Variants in PRKN observed in about 807,000 individuals in gnomAD.
PRKN encodes the protein E3 ubiquitin-protein ligase parkin.
PRKN carries 56 observed loss-of-function variants against 59.5 expected under a neutral mutation model. That is an observed-to-expected ratio of 0.94 (90% CI 0.76 to 1.18). The LOEUF (loss-of-function observed/expected upper bound fraction) is 1.18. Ranked by LOEUF, PRKN falls within the 50% of genes most tolerant of loss-of-function variation. The probability of loss-of-function intolerance (pLI) is 0.00; values close to 1 mark genes in which losing one functional copy is unlikely to be tolerated. For missense variants in PRKN, 657 were observed against 596.4 expected (o/e 1.10, Z -1.06); for synonymous variants, 250 against 222.1 (o/e 1.13, Z -1.12).
intron 5 of PRKN, among the ~76,000 whole-genome samples, chr6:162,041,526 T>C (rs1001108436): frequency 2.6e-5 from 4 of 152,198 alleles, no homozygotes; most frequent in African/African-American, 9.7e-5. Context: ...TAAACAGAGA[T>C]TGGTTCTCAC....
intron 7 of PRKN, among the ~76,000 whole-genome samples, chr6:161,753,037 C>T (rs1320674411): frequency 6.6e-6 from 1 of 152,068 alleles, no homozygotes; most frequent in Non-Finnish European, 1.5e-5. Context: ...GAATCAAGAC[C>T]GACTTGGAAA....
At position 161,525,920 on chromosome 6, in the gene PRKN, A is replaced by C. The variant is rs1249813761; in HGVS notation, c.1083+22934T>G. ...TATTAATATGGGTATCAAATATTTT[A>C]AATCTAATTATACCAATGTCTCAAA... is the stretch of plus-strand genomic sequence containing the variant. On this transcript the variant is annotated intron_variant, in intron 9 of 11. Transcript: ENST00000366898. The surrounding 1 kb of genome is among the most constrained non-coding windows in gnomAD (Gnocchi z 4.7). Among the ~76,000 whole-genome samples the C allele has an allele frequency of 6.6e-6, 1 of 152,216 alleles. No homozygotes were observed. Among genetic ancestry groups the C allele is most frequent in the Non-Finnish European group, 1.5e-5 (1 of 68,032 alleles).
Position 162,465,106 on chromosome 6 carries a change from A to G in PRKN, c.8-21633T>C, listed in dbSNP as rs182692574. On this transcript the variant is annotated intron_variant, in intron 1 of 11. Transcript: ENST00000366898. Reference sequence around the variant, plus strand: ...TGAAAACTTCAACAATCATGTCAACATTTAAGCTCGTTCCCAATTAACCAG... The same window carrying G: ...TGAAAACTTCAACAATCATGTCAACGTTTAAGCTCGTTCCCAATTAACCAG... Among the ~76,000 whole-genome samples the G allele has an allele frequency of 9.0e-4, 137 of 152,282 alleles. 1 individual carries two copies. The highest frequency in any genetic ancestry group is 4.4e-3 in the Admixed American group (68 of 15,286).
chr6:162,101,180 G>A (rs1412045949), intron 4 of PRKN, among the ~76,000 whole-genome samples: 1 of 151,852 alleles, frequency 6.6e-6, no homozygotes, highest in Non-Finnish European at 1.5e-5. Context: ...CTTTTCCTCT[G>A]TGTTTTCTTC....
chr6:161,899,842 G>T (rs1777816321), intron 6 of PRKN, among the ~76,000 whole-genome samples: 1 of 152,184 alleles, frequency 6.6e-6, no homozygotes, highest in African/African-American at 2.4e-5. Flanking sequence ...GGACAACCGG[G>T]CCGGGCCAGG....
At position 162,234,415 on chromosome 6, in the gene PRKN, A is replaced by C. The variant is rs186779600; in HGVS notation, c.412+28110T>G. Among the ~76,000 whole-genome samples the C allele has an allele frequency of 3.3e-3, 503 of 152,326 alleles. 5 individuals carry two copies. The highest frequency in any genetic ancestry group is 4.5e-3 in the Non-Finnish European group (303 of 68,026). ...AAAGATTTACCAGGGAAGAAATGAC[A>C]CAAGTCATATGTTTTAATTTAGTTA... On this transcript the variant is annotated intron_variant, in intron 3 of 11. Coordinates refer to ENST00000366898, the MANE Select transcript of PRKN (RefSeq NM_004562.3).
chr6:162,495,575 C>G (rs1282465334), intron 1 of PRKN, among the ~76,000 whole-genome samples: 1 of 152,184 alleles, frequency 6.6e-6, no homozygotes, highest in East Asian at 1.9e-4. Flanking sequence ...CCACCTGGCA[C>G]ACACACACTT....
At chr6:162,286,420 T>C (rs945141476) in intron 2 of PRKN, among the ~76,000 whole-genome samples, 2 of 152,202 alleles carry the variant, frequency 1.3e-5, no homozygotes, top group Admixed American at 6.5e-5. Context: ...ATGTAGGCCA[T>C]CTTCAAACTC....
intron 2 of PRKN, among the ~76,000 whole-genome samples, chr6:162,414,889 T>G (rs1788549369): frequency 6.6e-6 from 1 of 152,100 alleles, no homozygotes; most frequent in Non-Finnish European, 1.5e-5. Context: ...GGATTTTCTA[T>G]CACTGGAGGC....
chr6:161,765,081 C>A (rs1789366210), intron 7 of PRKN, among the ~76,000 whole-genome samples: 1 of 152,206 alleles, frequency 6.6e-6, no homozygotes, highest in South Asian at 2.1e-4. Context: ...TTACTTACTT[C>A]AGCCTCATTT....
At chr6:161,381,719 G>C (rs1785994552) in intron 10 of PRKN, among the ~76,000 whole-genome samples, 1 of 152,068 alleles carries the variant, frequency 6.6e-6, no homozygotes, top group African/African-American at 2.4e-5. Flanking sequence ...ATGAAGGAGG[G>C]ATTTGTCATT....
chr6:162,011,641 G>T (rs1782723219), intron 5 of PRKN, among the ~76,000 whole-genome samples: 1 of 146,640 alleles, frequency 6.8e-6, no homozygotes, highest in Non-Finnish European at 1.5e-5. Context: ...CATCTTTATT[G>T]TTACAGCAAA....
intron 10 of PRKN, among the ~76,000 whole-genome samples, chr6:161,374,755 G>A (rs867317518): frequency 2.2e-5 from 1 of 44,878 alleles, no homozygotes; most frequent in Non-Finnish European, 6.6e-5. Context: ...GTGTGTGTGT[G>A]GTGTGTAGCT....
At chr6:161,900,582 T>A (rs1186487684) in intron 6 of PRKN, among the ~76,000 whole-genome samples, 2 of 129,582 alleles carry the variant, frequency 1.5e-5, no homozygotes, top group Admixed American at 9.1e-5. Context: ...TGTAATATAT[T>A]ATATATTAAT....
At chr6:161,802,873 G>A (rs1479990906) in intron 6 of PRKN, among the ~76,000 whole-genome samples, 1 of 152,122 alleles carries the variant, frequency 6.6e-6, no homozygotes. Context: ...GCTGAGCCAC[G>A]TGGCTTTGTA....
intron 4 of PRKN, among the ~76,000 whole-genome samples, chr6:162,174,627 T>C (rs540333494): frequency 1.3e-5 from 2 of 152,334 alleles, no homozygotes; most frequent in African/African-American, 2.4e-5. Flanking sequence ...ACTATCTATT[T>C]TGGCTTCACA....
chr6:162,613,656 A>G (rs749620645), intron 1 of PRKN, among the ~76,000 whole-genome samples: 2 of 152,200 alleles, frequency 1.3e-5, no homozygotes, highest in Non-Finnish European at 2.9e-5. Flanking sequence ...TTTTCAATGT[A>G]CATAAAGAGA....
At chr6:162,598,480 A>G (rs574845232) in intron 1 of PRKN, among the ~76,000 whole-genome samples, 165 of 152,350 alleles carry the variant, frequency 1.1e-3, no homozygotes, top group African/African-American at 3.8e-3. Flanking sequence ...GATGAAAAAG[A>G]TAATAATAGC....
At chr6:161,654,138 G>C (rs1028029765) in intron 7 of PRKN, among the ~76,000 whole-genome samples, 6 of 151,856 alleles carry the variant, frequency 4.0e-5, no homozygotes, top group African/African-American at 1.5e-4. Flanking sequence ...GGCTCTAAAA[G>C]GCATTTTTAA....
Sources: gnomAD v4.1 joint callset for allele counts (sites outside exome capture counted in the v4.1 genomes callset) on GRCh38, gnomAD v4.1.1 for gene constraint, Gnocchi (gnomAD v3.1) non-coding constraint, MANE v1.5 for transcripts, NCBI Gene and HGNC (gene_info 2026-07-23, HGNC 2026-07-21) for gene names.